Variants in AKR1C8 observed in about 807,000 individuals in gnomAD.
AKR1C8 encodes the protein aldo-keto reductase family 1 member C-like protein 1.
chr10:5,153,579 CT>C, the AKR1C8 span, among the ~76,000 whole-genome samples: 1 of 152,100 alleles, frequency 6.6e-6, no homozygotes. Context: ...GGATGCATGG[CT>C]GGGTAAGCGT....
the AKR1C8 span, among the ~76,000 whole-genome samples, chr10:5,166,022 A>G: frequency 3.3e-5 from 5 of 152,108 alleles, no homozygotes; most frequent in Admixed American, 3.3e-4. Flanking sequence ...GAAAAGTGGG[A>G]CACCCTTTCT....
At chr10:5,172,600 C>A in the AKR1C8 span, among the ~76,000 whole-genome samples, 2 of 152,138 alleles carry the variant, frequency 1.3e-5, no homozygotes. Context: ...GCCTCTATAA[C>A]AAATTTTGAC....
the AKR1C8 span, among the ~76,000 whole-genome samples, chr10:5,144,146 C>A: frequency 6.6e-6 from 1 of 152,080 alleles, no homozygotes; most frequent in African/African-American, 2.4e-5. Flanking sequence ...TTCCCCATTG[C>A]TTGTTTTTCT....
the AKR1C8 span, among the ~76,000 whole-genome samples, chr10:5,156,711 C>T: frequency 6.6e-6 from 1 of 152,076 alleles, no homozygotes; most frequent in African/African-American, 2.4e-5. Context: ...ATAAAATGGG[C>T]ATTTTTTGTT....
the AKR1C8 span, among the ~76,000 whole-genome samples, chr10:5,173,645 G>A: frequency 2.9e-5 from 3 of 104,978 alleles, no homozygotes; most frequent in Admixed American, 1.8e-4. Flanking sequence ...CTAACAAAAC[G>A]ATTAAAAAAA....
the AKR1C8 span, among the ~76,000 whole-genome samples, chr10:5,176,118 G>A: frequency 9.2e-3 from 1,404 of 151,878 alleles, 29 homozygotes; most frequent in African/African-American, 0.031. Flanking sequence ...TAAGTCTAAC[G>A]TTTAAGTCTT....
At chr10:5,167,025 A>G in the AKR1C8 span, among the ~76,000 whole-genome samples, 3 of 152,244 alleles carry the variant, frequency 2.0e-5, no homozygotes, top group African/African-American at 7.2e-5. Context: ...CAAAAGACAC[A>G]TGAAAAAATG....
At chr10:5,180,973 T>C in the AKR1C8 span, among the ~76,000 whole-genome samples, 185 of 152,344 alleles carry the variant, frequency 1.2e-3, 1 homozygote, top group African/African-American at 4.4e-3. Flanking sequence ...CTTTGGCTCA[T>C]GCACAGTGCA....
At chr10:5,169,314 T>G in the AKR1C8 span, among the ~76,000 whole-genome samples, 1 of 152,166 alleles carries the variant, frequency 6.6e-6, no homozygotes, top group Non-Finnish European at 1.5e-5. Flanking sequence ...CAAAGGGTAA[T>G]GTGTTGTTTC....
chr10:5,137,158 T>C, the AKR1C8 span, among the ~76,000 whole-genome samples: 8 of 152,132 alleles, frequency 5.3e-5, no homozygotes, highest in East Asian at 5.8e-4. Context: ...TTTTGGCTGC[T>C]AGAAACTATT....
At chr10:5,162,959 A>G in the AKR1C8 span, 4 of 534,722 alleles carry the variant, frequency 7.5e-6, no homozygotes, top group Non-Finnish European at 1.5e-5. Context: ...TGCTGAATCA[A>G]TATGGCGGAA....
the AKR1C8 span, among the ~76,000 whole-genome samples, chr10:5,142,296 A>G: frequency 1.3e-5 from 2 of 152,122 alleles, no homozygotes; most frequent in South Asian, 4.1e-4. Context: ...TGTCCACGTC[A>G]TTAAAACTTT....
chr10:5,181,706 A>G, the AKR1C8 span, among the ~76,000 whole-genome samples: 82,354 of 152,024 alleles, frequency 0.54, 23,210 homozygotes, highest in Non-Finnish European at 0.6. Context: ...GTCTAAATAT[A>G]TACTGTCAAT....
At chr10:5,120,863 AC>A in the AKR1C8 span, among the ~76,000 whole-genome samples, 2 of 152,128 alleles carry the variant, frequency 1.3e-5, no homozygotes, top group Non-Finnish European at 2.9e-5. Context: ...TAATTATTCT[AC>A]CAGTTTGGAG....
chr10:5,180,385 C>T, the AKR1C8 span, among the ~76,000 whole-genome samples: 2 of 152,228 alleles, frequency 1.3e-5, no homozygotes, highest in Non-Finnish European at 2.9e-5. Context: ...TCTGCCCCTA[C>T]TGGGGGCTGC....
the AKR1C8 span, among the ~76,000 whole-genome samples, chr10:5,129,046 T>A: frequency 6.6e-6 from 1 of 152,044 alleles, no homozygotes; most frequent in Non-Finnish European, 1.5e-5. Context: ...ACAAGTCTCA[T>A]TAAACTTGAG....
chr10:5,130,564 C>T, the AKR1C8 span, among the ~76,000 whole-genome samples: 1 of 151,844 alleles, frequency 6.6e-6, no homozygotes. Context: ...ATTTGATAAA[C>T]AAATTCAGTA....
chr10:5,161,631 C>G, the AKR1C8 span: 7 of 521,090 alleles, frequency 1.3e-5, no homozygotes, highest in African/African-American at 9.7e-5. Context: ...ATCATTGAAT[C>G]TGAATCCCCC....
chr10:5,175,894 T>A, the AKR1C8 span, among the ~76,000 whole-genome samples: 7 of 152,268 alleles, frequency 4.6e-5, no homozygotes, highest in Non-Finnish European at 7.4e-5. Flanking sequence ...GTCAGATGAG[T>A]AGGTTGCGAA....
Sources: allele counts gnomAD v4.1 joint callset (sites outside exome capture counted in the v4.1 genomes callset), GRCh38; gene constraint gnomAD v4.1.1; transcripts MANE v1.5; gene names NCBI Gene and HGNC (gene_info 2026-07-23, HGNC 2026-07-21).